DDHD2: variants seen among roughly 807,000 people sequenced by gnomAD.
DDHD2 encodes the protein DDHD domain containing 2, also known as triacylglycerol hydrolase DDHD2.
DDHD2 carries 62 observed loss-of-function variants against 91.2 expected under a neutral mutation model. That is an observed-to-expected ratio of 0.68 (90% CI 0.55 to 0.84). DDHD2 has a LOEUF of 0.84. Among genes scored for constraint, DDHD2 ranks in the 40% least tolerant of loss-of-function variants. The probability of loss-of-function intolerance (pLI) is 0.00; values close to 1 mark genes in which losing one functional copy is unlikely to be tolerated. For missense variants in DDHD2, 740 were observed against 846.9 expected (o/e 0.87, Z 1.57); for synonymous variants, 271 against 293.9 (o/e 0.92, Z 0.80).
intron 6 of DDHD2, chr8:38,241,930 T>C (rs1345191974): frequency 1.4e-5 from 3 of 216,900 alleles, no homozygotes; most frequent in Non-Finnish European, 2.7e-5. Flanking sequence ...GGTATGTGCC[T>C]GTAATCCCAG....
chr8:38,233,032 AGTCAGATCCATCTCC>A lies in DDHD2; in HGVS notation c.43_57del (p.Asp15_Ser19del). On this transcript the variant is annotated inframe_deletion, in exon 2 of 18. Coordinates refer to ENST00000397166, the MANE Select transcript of DDHD2 (RefSeq NM_015214.3). ...CAGTCACAACAGGAGCAGTTGTCCC[AGTCAGATCCATCTCC>A]GTCACCAAACTCATGTAGTTCCTTT... is the stretch of plus-strand genomic sequence containing the variant. 1 of 1,614,206 alleles carries A rather than the reference AGTCAGATCCATCTCC, an allele frequency of 6.2e-7. No individual in the cohort carries two copies. The highest frequency in any genetic ancestry group is 2.2e-5 in the East Asian group (1 of 44,880).
intron 10 of DDHD2, among the ~76,000 whole-genome samples, chr8:38,249,164 G>A (rs1805903883): frequency 6.6e-6 from 1 of 151,832 alleles, no homozygotes; most frequent in African/African-American, 2.4e-5. Flanking sequence ...CCAGGCTGGA[G>A]TGCAGTGGCG....
chr8:38,269,212 T>G (rs752466070), intron 1 of DDHD2: 4 of 1,495,522 alleles, frequency 2.7e-6, no homozygotes, highest in African/African-American at 1.5e-5. Context: ...GGCCGCGAGC[T>G]CCGAGCGACG....
chr8:38,271,436 C>T (rs1262864402), downstream of DDHD2: 1 of 151,934 alleles, frequency 6.6e-6, no homozygotes, highest in Admixed American at 6.6e-5. Context: ...AGGGGGTTCC[C>T]TTTCTCCTGG....
chr8:38,264,079 C>T, downstream of DDHD2: 1 of 990,660 alleles, frequency 1.0e-6, no homozygotes, highest in Non-Finnish European at 1.2e-6. Flanking sequence ...GAAAAAAAGG[C>T]TAGAATTTCT....
rs1003263082 is a variant in DDHD2 at position 38,234,452 on chromosome 8, G to C, written c.279G>C (p.Leu93Phe). ...PTDGGRYDVH[L>F]GERMRYAVYW... is the part of the protein sequence containing the mutation. ...ATGGGGGCAGATATGATGTTCATTT[G>C]GGGGAGAGGATGCGGTATGCTGTAT... is the stretch of plus-strand genomic sequence containing the variant. Residue 93 changes from leucine to phenylalanine, a missense_variant, in exon 3 of 18, where the codon TTG becomes TTC. This residue lies in a region of DDHD2 where 693 missense variants were observed against 764.2 expected (regional missense o/e 0.91). Transcript: ENST00000397166. 4 of 1,611,942 alleles carry C rather than the reference G, an allele frequency of 2.5e-6. No individual in the cohort carries two copies. Among genetic ancestry groups the C allele is most frequent in the Admixed American group, 3.4e-5 (2 of 59,208 alleles).
chr8:38,256,185 A>G (rs1189065969), intron 16 of DDHD2, among the ~76,000 whole-genome samples: 1 of 150,024 alleles, frequency 6.7e-6, no homozygotes, highest in African/African-American at 2.5e-5. Context: ...TCTCTTCCCC[A>G]CTCCTCCTAA....
At chr8:38,233,699 C>T (rs1585689706) in intron 2 of DDHD2, among the ~76,000 whole-genome samples, 2 of 151,950 alleles carry the variant, frequency 1.3e-5, no homozygotes, top group African/African-American at 2.4e-5. Context: ...GAGGCCAAGG[C>T]GAGCAGATCA....
chr8:38,266,375 A>G (rs1807590503), downstream of DDHD2: 3 of 1,393,390 alleles, frequency 2.2e-6, no homozygotes, highest in Non-Finnish European at 3.0e-6. Flanking sequence ...TCATCCCCAC[A>G]TAGGAGGCTA....
chr8:38,258,920 TG>T (rs1450381782), intron 16 of DDHD2, among the ~76,000 whole-genome samples: 1 of 152,198 alleles, frequency 6.6e-6, no homozygotes, highest in Non-Finnish European at 1.5e-5. Context: ...AATTTTGTTA[TG>T]AAGTGTGGAT....
At chr8:38,244,888 TA>T (rs554086659) in intron 7 of DDHD2, among the ~76,000 whole-genome samples, 82 of 152,142 alleles carry the variant, frequency 5.4e-4, no homozygotes, top group Non-Finnish European at 1.0e-3. Context: ...TTAAAGGACT[TA>T]AAAAATGTAT....
chr8:38,243,501 A>T (rs1805395327), intron 7 of DDHD2, among the ~76,000 whole-genome samples: 1 of 152,116 alleles, frequency 6.6e-6, no homozygotes, highest in Admixed American at 6.6e-5. Flanking sequence ...AGTATATATG[A>T]TGAATCCTTG....
rs10112235 is a variant in DDHD2 at position 38,258,850 on chromosome 8, G to T, written c.2055-1190G>T. 4.4e-3 allele frequency among the ~76,000 whole-genome samples: 663 copies of T among 152,306 alleles called. 2 individuals carry two copies. The highest frequency in any genetic ancestry group is 0.014 in the African/African-American group (571 of 41,566). Reference sequence around the variant, plus strand: ...TAAATGTTGAACCACAGATCTAGAAGAATAATAGAGGCTTATATCCTTAAG... The same window carrying T: ...TAAATGTTGAACCACAGATCTAGAATAATAATAGAGGCTTATATCCTTAAG... On this transcript the variant is annotated intron_variant, in intron 16 of 17. Coordinates refer to ENST00000397166, the MANE Select transcript of DDHD2 (RefSeq NM_015214.3).
chr8:38,259,082 A>G (rs1806760433), intron 16 of DDHD2, among the ~76,000 whole-genome samples: 1 of 152,144 alleles, frequency 6.6e-6, no homozygotes. Context: ...TGGAATTTGG[A>G]ACCTTATGAT....
chr8:38,245,631 T>C, intron 7 of DDHD2, 111 bp from the exon 8 acceptor site: 1 of 1,013,270 alleles, frequency 9.9e-7, no homozygotes, highest in Non-Finnish European at 1.5e-6. Context: ...TGTTTTTTCC[T>C]ATAAATCGAC....
chr8:38,272,052 A>C (rs1449045448), downstream of DDHD2: 1 of 152,260 alleles, frequency 6.6e-6, no homozygotes, highest in Non-Finnish European at 1.5e-5. Context: ...ATTCCACTTC[A>C]TGAACCAGGA....
rs538342299 is a variant in DDHD2, at chr8:38,238,212, A to G, written c.622+3A>G. ...CATCTCTGTTGACATTCATTGTGGT[A>G]ATGTTAATCGTTTATTTTTTCTTAC... On this transcript the variant is annotated splice_donor_region_variant and intron_variant, in intron 5 of 17. Transcript: ENST00000397166. The G allele has an allele frequency of 1.7e-5, 27 of 1,613,610 alleles. No individual in the cohort carries two copies. The highest frequency in any genetic ancestry group is 1.9e-5 in the Non-Finnish European group (22 of 1,179,724).
chr8:38,242,187 T>TG, intron 6 of DDHD2, 63 bp from the exon 7 acceptor site: 1 of 1,274,026 alleles, frequency 7.8e-7, no homozygotes. Context: ...CATGATTTGT[T>TG]GCATCCAGAT....
downstream of DDHD2, chr8:38,264,727 C>A: frequency 2.1e-6 from 3 of 1,440,520 alleles, no homozygotes; most frequent in Non-Finnish European, 2.7e-6. Flanking sequence ...AACCTCAATT[C>A]CAGACTTATG....
Sources: gnomAD v4.1 joint callset for allele counts (sites outside exome capture counted in the v4.1 genomes callset) on GRCh38, gnomAD v4.1.1 for gene constraint, gnomAD v4.1.1 regional missense constraint, MANE v1.5 for transcripts, NCBI Gene and HGNC (gene_info 2026-07-23, HGNC 2026-07-21) for gene names.